RORA: variants seen among roughly 807,000 people sequenced by gnomAD.
RORA encodes RAR related orphan receptor A, also known as nuclear receptor ROR-alpha.
Under a neutral mutation model 69.5 loss-of-function variants are expected in RORA, and 7 were observed. That is an observed-to-expected ratio of 0.10 (90% confidence interval 0.06 to 0.19). The LOEUF is 0.19. Among genes scored for constraint, RORA ranks in the 10% least tolerant of loss-of-function variants. The pLI is 1.00. For synonymous variants in RORA, 261 were observed against 240.8 expected (o/e 1.08, Z -0.78); for missense variants, 457 against 663.0 (o/e 0.69, Z 3.41).
chr15:61,179,223 G>A (rs994312822), intron 1 of RORA, among the ~76,000 whole-genome samples: 1 of 152,110 alleles, frequency 6.6e-6, no homozygotes, highest in African/African-American at 2.4e-5. Context: ...TGCAGGGGTC[G>A]ACTCTTCCAA....
chr15:61,108,870 T>A (rs1190295388), intron 1 of RORA, among the ~76,000 whole-genome samples: 1 of 152,156 alleles, frequency 6.6e-6, no homozygotes, highest in Non-Finnish European at 1.5e-5. Flanking sequence ...AATGTGCCAA[T>A]ACTGTCTGTA....
intron 2 of RORA, among the ~76,000 whole-genome samples, chr15:60,639,653 A>G (rs1384491546): frequency 6.6e-6 from 1 of 152,152 alleles, no homozygotes; most frequent in Non-Finnish European, 1.5e-5. Flanking sequence ...TAAATATAGA[A>G]AAGTTGTCAT....
intron 2 of RORA, chr15:60,547,746 T>G: frequency 6.6e-6 from 1 of 151,944 alleles, no homozygotes; most frequent in Non-Finnish European, 1.5e-5. Flanking sequence ...CTATGGCCAC[T>G]ATGGAGAATA....
chr15:60,887,141 T>TGAGAGA (rs3053903), intron 1 of RORA, among the ~76,000 whole-genome samples: 4 of 148,010 alleles, frequency 2.7e-5, no homozygotes, highest in African/African-American at 1.0e-4. Flanking sequence ...TTGCCAGAGC[T>TGAGAGA]GAGAGAGAGA....
In RORA at chr15:60,599,663, TAAG is replaced by T. The variant is rs536831220; in HGVS notation, c.197-67815_197-67813del. On this transcript the variant is annotated intron_variant, in intron 2 of 10. Transcript: ENST00000335670. ...TTACCAGAGATAAAATACACACAGA[TAAG>T]AAGGGGAGAAAGCCCAGAATGTAGG... Among the ~76,000 whole-genome samples the T allele has an allele frequency of 2.4e-3, 359 of 152,254 alleles. 1 individual carries two copies. The highest frequency in any genetic ancestry group is 8.1e-3 in the African/African-American group (338 of 41,534).
chr15:61,040,479 T>A (rs1319786634), intron 1 of RORA, among the ~76,000 whole-genome samples: 1 of 152,052 alleles, frequency 6.6e-6, no homozygotes, highest in African/African-American at 2.4e-5. Context: ...TTTCTACATG[T>A]AATACTGATC....
At chr15:61,089,706 C>T (rs955917492) in intron 1 of RORA, among the ~76,000 whole-genome samples, 3 of 152,100 alleles carry the variant, frequency 2.0e-5, no homozygotes, top group African/African-American at 2.4e-5. Context: ...TTTTTGTGTG[C>T]GTGGTGGAGA....
In RORA at chr15:60,812,176, C is replaced by G. The variant is rs546491882; in HGVS notation, c.167-133490G>C. On this transcript the variant is annotated intron_variant, in intron 1 of 10. Transcript: ENST00000335670. Reference sequence around the variant, plus strand: ...AATTTCTCCATCTATAAAATGGAAACAACAATAGTACTTAACCTGTAAGTT... The same window carrying G: ...AATTTCTCCATCTATAAAATGGAAAGAACAATAGTACTTAACCTGTAAGTT... 2.3e-3 allele frequency among the ~76,000 whole-genome samples: 353 copies of G among 152,258 alleles called. 3 individuals are homozygous for G. The highest frequency in any genetic ancestry group is 8.3e-3 in the African/African-American group (343 of 41,546).
intron 1 of RORA, among the ~76,000 whole-genome samples, chr15:60,923,344 C>T (rs887017936): frequency 6.6e-6 from 1 of 152,208 alleles, no homozygotes; most frequent in South Asian, 2.1e-4. Flanking sequence ...GAACAAAGGG[C>T]CTTCATTTTA....
intron 1 of RORA, among the ~76,000 whole-genome samples, chr15:61,175,201 A>G (rs2079617053): frequency 6.6e-6 from 1 of 152,172 alleles, no homozygotes; most frequent in South Asian, 2.1e-4. Flanking sequence ...CTGGTGGGCA[A>G]GCACAGCACT....
chr15:60,570,610 A>G (rs374632314), intron 2 of RORA, among the ~76,000 whole-genome samples: 3 of 152,304 alleles, frequency 2.0e-5, no homozygotes, highest in Non-Finnish European at 2.9e-5. Context: ...TTGGCCTCCC[A>G]AAGTGCTGCG....
At chr15:60,566,310 T>TA (rs1314818281) in intron 2 of RORA, among the ~76,000 whole-genome samples, 6 of 152,224 alleles carry the variant, frequency 3.9e-5, no homozygotes, top group Non-Finnish European at 5.9e-5. Flanking sequence ...TTTTTCTTAG[T>TA]AAAAAATCAT....
intron 2 of RORA, 125 bp downstream of exon 2, chr15:60,678,532 T>A: frequency 1.3e-6 from 1 of 743,818 alleles, no homozygotes; most frequent in Non-Finnish European, 2.4e-6. Flanking sequence ...TGAAAAAAAA[T>A]GACCTCTGTT....
At chr15:60,714,455 C>G (rs993385500) in intron 1 of RORA, among the ~76,000 whole-genome samples, 3 of 151,946 alleles carry the variant, frequency 2.0e-5, no homozygotes, top group African/African-American at 7.3e-5. Context: ...ACCTCAACCT[C>G]CTGGGCTCAA....
chr15:61,227,636 T>C (rs1002781436), intron 1 of RORA, among the ~76,000 whole-genome samples: 2 of 151,676 alleles, frequency 1.3e-5, no homozygotes, highest in Admixed American at 6.6e-5. Flanking sequence ...TACCTCCAAC[T>C]ACAACATCGA....
chr15:60,980,915 T>C (rs1330425107), intron 1 of RORA, among the ~76,000 whole-genome samples: 1 of 151,546 alleles, frequency 6.6e-6, no homozygotes, highest in Non-Finnish European at 1.5e-5. Flanking sequence ...GCTTTAGGCT[T>C]AGTTTGCTTC....
At chr15:60,952,303 A>G (rs1893133628) in intron 1 of RORA, among the ~76,000 whole-genome samples, 1 of 152,150 alleles carries the variant, frequency 6.6e-6, no homozygotes, top group South Asian at 2.1e-4. Context: ...AAATAATAAG[A>G]GCTATCTATG....
At chr15:60,997,118 A>G (rs1266070172) in intron 1 of RORA, among the ~76,000 whole-genome samples, 2 of 151,778 alleles carry the variant, frequency 1.3e-5, no homozygotes, top group African/African-American at 4.8e-5. Context: ...AGGTGCTTGA[A>G]TTGGTTGTTC....
intron 2 of RORA, among the ~76,000 whole-genome samples, chr15:60,559,521 G>A (rs771847140): frequency 1.3e-5 from 2 of 152,204 alleles, no homozygotes; most frequent in African/African-American, 4.8e-5. Context: ...TTGGGTCTCT[G>A]TTTTGGCAAC....
Sources: gnomAD v4.1 joint callset for allele counts (sites outside exome capture counted in the v4.1 genomes callset) on GRCh38, gnomAD v4.1.1 for gene constraint, MANE v1.5 for transcripts, NCBI Gene and HGNC (gene_info 2026-07-23, HGNC 2026-07-21) for gene names.